CLVS1: variants seen among roughly 807,000 people sequenced by gnomAD.
CLVS1 encodes clavesin 1.
A neutral mutation model predicts 33.1 loss-of-function variants in CLVS1; 10 were observed. The observed-to-expected ratio is 0.30, with a 90% confidence interval of 0.19 to 0.51. CLVS1 has a LOEUF of 0.51. Ranked by LOEUF, CLVS1 falls within the 20% of genes least tolerant of loss-of-function variation. The probability of loss-of-function intolerance (pLI) is 0.97; values close to 1 mark genes in which losing one functional copy is unlikely to be tolerated. For missense variants in CLVS1, 343 were observed against 433.4 expected (o/e 0.79, Z 1.85); for synonymous variants, 163 against 166.1 (o/e 0.98, Z 0.14).
chr8:61,367,539 C>G (rs1286623593), intron 2 of CLVS1, among the ~76,000 whole-genome samples: 1 of 152,214 alleles, frequency 6.6e-6, no homozygotes, highest in Non-Finnish European at 1.5e-5. Flanking sequence ...TTTGCAACCC[C>G]TGTTACTTTC....
At position 61,399,969 on chromosome 8, in the gene CLVS1, G is replaced by T. The variant is rs1814684773; in HGVS notation, c.630+23190G>T. On this transcript the variant is annotated intron_variant, in intron 3 of 5. Transcript: ENST00000325897. ...AGTATAGTTTGAAGTTGGGTGGCAT[G>T]ATGCCTCCAGCTTTGCTCTTTTTGC... Among the ~76,000 whole-genome samples, 5 of 152,310 alleles carry T rather than the reference G, an allele frequency of 3.3e-5. No individual in the cohort carries two copies. The South Asian group carries it at 1.0e-3, about 32-fold the overall frequency.
At chr8:61,380,808 T>G (rs1813844922) in intron 3 of CLVS1, among the ~76,000 whole-genome samples, 1 of 152,164 alleles carries the variant, frequency 6.6e-6, no homozygotes, top group Admixed American at 6.6e-5. Context: ...AAAATCAATT[T>G]TTGGAATTAT....
At chr8:61,200,740 G>A (rs1585683534) in intron 2 of CLVS1, among the ~76,000 whole-genome samples, 2 of 152,196 alleles carry the variant, frequency 1.3e-5, no homozygotes, top group Admixed American at 6.5e-5. Flanking sequence ...ATTATGCCAG[G>A]ACTAGTTATC....
chr8:61,469,908 T>G (rs1817678529), intron 5 of CLVS1, among the ~76,000 whole-genome samples: 1 of 152,212 alleles, frequency 6.6e-6, no homozygotes, highest in South Asian at 2.1e-4. Context: ...GTGATTGAAC[T>G]TCTTAGTTTT....
chr8:61,273,914 C>T lies in CLVS1; in HGVS notation c.-151-25763C>T, dbSNP rs181537768. Reference sequence around the variant, plus strand: ...TCTGGCACTCTCTAGTGAGATGAACCCGGTACCTCAGATGGAAATGCAGAA... The same window carrying T: ...TCTGGCACTCTCTAGTGAGATGAACTCGGTACCTCAGATGGAAATGCAGAA... On this transcript the variant is annotated intron_variant, in intron 2 of 2. Transcript: ENST00000522621. The T allele has an allele frequency of 1.8e-3, 293 of 158,814 alleles. 1 individual carries two copies. Among genetic ancestry groups the T allele is most frequent in the Non-Finnish European group, 3.5e-3 (256 of 73,348 alleles). The allele number at this position is 158,814 out of a possible 1,614,324, so 9.8% of individuals were successfully genotyped here.
chr8:61,007,469 G>A, the CLVS1 span, among the ~76,000 whole-genome samples: 3 of 152,280 alleles, frequency 2.0e-5, no homozygotes, highest in African/African-American at 7.2e-5. Flanking sequence ...ACTATCGTTA[G>A]TTTAGTTTTC....
At chr8:61,370,274 C>A (rs1049976969) in intron 2 of CLVS1, 4 of 152,014 alleles carry the variant, frequency 2.6e-5, no homozygotes, top group Admixed American at 1.3e-4. Context: ...TGGATAAGTT[C>A]TTTAGTAGAT....
the CLVS1 span, among the ~76,000 whole-genome samples, chr8:61,020,209 T>A: frequency 6.6e-6 from 1 of 152,218 alleles, no homozygotes; most frequent in Non-Finnish European, 1.5e-5. Context: ...GCTTCTATTC[T>A]CATTTTGGGG....
At chr8:61,055,024 T>A (rs558969379), upstream of CLVS1, among the ~76,000 whole-genome samples, 19 of 152,340 alleles carry the variant, frequency 1.2e-4, no homozygotes, top group African/African-American at 4.6e-4. Flanking sequence ...ACACCAACCC[T>A]TTCATTATCT....
At chr8:60,993,538 T>C in the CLVS1 span, among the ~76,000 whole-genome samples, 1 of 152,238 alleles carries the variant, frequency 6.6e-6, no homozygotes, top group Admixed American at 6.5e-5. Context: ...CTGAGCCCAG[T>C]GGGCTGTGGT....
At chr8:61,169,874 A>C (rs1383158250) in intron 2 of CLVS1, among the ~76,000 whole-genome samples, 2 of 152,136 alleles carry the variant, frequency 1.3e-5, no homozygotes, top group Non-Finnish European at 2.9e-5. Context: ...TAACAGACTC[A>C]AGTCTTCAAA....
At chr8:61,308,012 T>C (rs1810691706) in intron 2 of CLVS1, among the ~76,000 whole-genome samples, 1 of 152,236 alleles carries the variant, frequency 6.6e-6, no homozygotes, top group Non-Finnish European at 1.5e-5. Flanking sequence ...TTCCTTTGGC[T>C]TCAGGCTCCA....
chr8:61,499,675 C>A lies in CLVS1; in HGVS notation c.*133C>A. 1 of 550,070 alleles carries A rather than the reference C, an allele frequency of 1.8e-6. No individual in the cohort carries two copies. Among genetic ancestry groups the A allele is most frequent in the Non-Finnish European group, 3.3e-6 (1 of 306,208 alleles). 34.1% of individuals were successfully genotyped at this position (550,070 alleles called of 1,614,324 possible). A position where few individuals can be genotyped will look rare whatever the true frequency, so the allele number is the denominator to read the frequency against. The stretch of plus-strand genomic sequence containing the variant: ...AAGGTCCTCCACTCCTGAACCCCTG[C>A]AGTGACTGTCACCAGCCATCGGTCT... On this transcript the variant is annotated 3_prime_UTR_variant, in exon 6 of 6. Coordinates refer to ENST00000325897, the MANE Select transcript of CLVS1 (RefSeq NM_173519.3).
At chr8:61,198,360 T>C (rs1225031928) in intron 2 of CLVS1, among the ~76,000 whole-genome samples, 1 of 152,156 alleles carries the variant, frequency 6.6e-6, no homozygotes, top group East Asian at 1.9e-4. Flanking sequence ...ACCTGAATAG[T>C]ATACATTGTA....
intron 3 of CLVS1, among the ~76,000 whole-genome samples, chr8:61,391,518 T>C (rs1229874756): frequency 6.6e-6 from 1 of 152,182 alleles, no homozygotes; most frequent in African/African-American, 2.4e-5. Flanking sequence ...AATTCTAAAG[T>C]ACATAGTCAT....
chr8:61,385,764 C>T (rs565521417), intron 3 of CLVS1, among the ~76,000 whole-genome samples: 15 of 152,234 alleles, frequency 9.9e-5, no homozygotes, highest in Non-Finnish European at 1.3e-4. Flanking sequence ...TTCAGGTATA[C>T]GTGACCTCTA....
At chr8:60,975,596 G>C in the CLVS1 span, among the ~76,000 whole-genome samples, 3 of 152,146 alleles carry the variant, frequency 2.0e-5, no homozygotes, top group Non-Finnish European at 4.4e-5. Flanking sequence ...AGTATCTGGA[G>C]CTTCAAAGGG....
At chr8:61,244,733 G>A (rs1361530429) in intron 2 of CLVS1, among the ~76,000 whole-genome samples, 3 of 152,160 alleles carry the variant, frequency 2.0e-5, no homozygotes, top group Non-Finnish European at 2.9e-5. Flanking sequence ...TGTGTGGCAT[G>A]TGTGTATGGG....
chr8:61,489,098 T>G (rs1803976387), intron 5 of CLVS1, among the ~76,000 whole-genome samples: 2 of 152,254 alleles, frequency 1.3e-5, no homozygotes, highest in African/African-American at 2.4e-5. Flanking sequence ...AGTACGATTC[T>G]ATAACCTATA....
Sources: allele counts gnomAD v4.1 joint callset (sites outside exome capture counted in the v4.1 genomes callset), GRCh38; gene constraint gnomAD v4.1.1; transcripts MANE v1.5; gene names NCBI Gene and HGNC (gene_info 2026-07-23, HGNC 2026-07-21).